The following ZNF519 variants were observed in gnomAD, a reference collection of about 807,000 sequenced individuals.
ZNF519 encodes similar to Zinc finger protein 85 (Zinc finger protein HPF4) (HTF1).
In ZNF519, 7 loss-of-function variants were observed where a neutral mutation model predicts 7.4. The observed-to-expected ratio is 0.94, with a 90% CI of 0.54 to 1.77. The LOEUF (loss-of-function observed/expected upper bound fraction) is 1.77, where lower values mean the gene tolerates loss of function less well. Ranked by LOEUF, ZNF519 falls within the 40% of genes most tolerant of loss-of-function variation. The probability of loss-of-function intolerance (pLI) is 0.00; values close to 1 mark genes in which losing one functional copy is unlikely to be tolerated. For missense variants in ZNF519, 586 were observed against 623.1 expected (o/e 0.94, Z 0.63); for synonymous variants, 179 against 203.3 (o/e 0.88, Z 1.02).
At position 14,102,880 on chromosome 18, in the gene ZNF519, G is replaced by A. The variant is rs2046168912; in HGVS notation, c.*2037C>T. 6.6e-6 allele frequency: 1 copy of A among 151,874 alleles called. No homozygotes were observed. The highest frequency in any genetic ancestry group is 2.1e-4 in the South Asian group (1 of 4,824). 9.4% of individuals were successfully genotyped at this position (151,874 alleles called of 1,614,324 possible). A position where few individuals can be genotyped will look rare whatever the true frequency, so the allele number is the denominator to read the frequency against. ...TTAATATAAATATAAAGCAGATTCTGATAAGGTATATAAGGGCTAGAGAAA... is the reference window on the plus strand; with the variant it reads ...TTAATATAAATATAAAGCAGATTCTAATAAGGTATATAAGGGCTAGAGAAA... On this transcript the variant is annotated 3_prime_UTR_variant, in exon 3 of 3. Coordinates refer to ENST00000590202, the MANE Select transcript of ZNF519 (RefSeq NM_145287.4).
At chr18:14,087,014 A>G (rs1340721059) in intron 2 of ZNF519, among the ~76,000 whole-genome samples, 1 of 152,178 alleles carries the variant, frequency 6.6e-6, no homozygotes, top group Non-Finnish European at 1.5e-5. Context: ...ACTAAATCCC[A>G]TTGCACATCG....
chr18:14,071,816 G>A (rs945614447), downstream of ZNF519: 7 of 152,126 alleles, frequency 4.6e-5, no homozygotes, highest in African/African-American at 1.4e-4. Context: ...TAACTTTATG[G>A]TGAAATCAAC....
chr18:14,110,878 T>C (rs554295963), intron 2 of ZNF519, among the ~76,000 whole-genome samples: 66 of 152,172 alleles, frequency 4.3e-4, no homozygotes, highest in African/African-American at 1.5e-3. Context: ...TAATAGACTT[T>C]GGGGACTTGA....
intron 2 of ZNF519, among the ~76,000 whole-genome samples, chr18:14,110,431 T>C (rs1174804917): frequency 6.6e-6 from 1 of 151,938 alleles, no homozygotes; most frequent in Non-Finnish European, 1.5e-5. Context: ...TAGCAGAAAA[T>C]ATTTGCAAAC....
chr18:14,128,748 GA>G (rs2046314946), intron 1 of ZNF519, among the ~76,000 whole-genome samples: 1 of 147,444 alleles, frequency 6.8e-6, no homozygotes, highest in Non-Finnish European at 1.5e-5. Context: ...CTATTTAACT[GA>G]TAAAAATGAT....
downstream of ZNF519, chr18:14,074,988 G>A (rs1345631998): frequency 6.6e-6 from 1 of 152,196 alleles, no homozygotes; most frequent in Non-Finnish European, 1.5e-5. Flanking sequence ...TGGTTGGGGA[G>A]GCCTCACAAT....
intron 3 of ZNF519, among the ~76,000 whole-genome samples, chr18:14,084,718 C>T (rs574495764): frequency 2.6e-4 from 40 of 152,274 alleles, no homozygotes; most frequent in African/African-American, 8.7e-4. Context: ...TGCTCCTCCT[C>T]ATTGCACAGT....
intron 2 of ZNF519, among the ~76,000 whole-genome samples, chr18:14,118,069 T>C (rs2046253826): frequency 6.6e-6 from 1 of 151,816 alleles, no homozygotes; most frequent in African/African-American, 2.4e-5. Context: ...TGAAATATTC[T>C]TTTTTTTGAG....
intron 2 of ZNF519, among the ~76,000 whole-genome samples, chr18:14,118,964 T>C (rs1435240586): frequency 6.6e-6 from 1 of 152,182 alleles, no homozygotes; most frequent in Non-Finnish European, 1.5e-5. Context: ...ACACCTGGTA[T>C]ATGGCTCATC....
intron 2 of ZNF519, among the ~76,000 whole-genome samples, chr18:14,107,946 A>C (rs1173175404): frequency 1.3e-5 from 2 of 152,162 alleles, no homozygotes; most frequent in Non-Finnish European, 2.9e-5. Flanking sequence ...AAGGTTATTG[A>C]CTAGCCCCTG....
At chr18:14,129,944 G>A (rs964204944) in intron 1 of ZNF519, among the ~76,000 whole-genome samples, 1 of 152,168 alleles carries the variant, frequency 6.6e-6, no homozygotes. Context: ...TGGAAGAGAT[G>A]CATAGGGCAA....
Position 14,089,179 on chromosome 18 carries a change from C to T in ZNF519, c.131-4103G>A, listed in dbSNP as rs980788335. On this transcript the variant is annotated intron_variant and NMD_transcript_variant, in intron 2 of 4. Coordinates refer to the ZNF519 transcript ENST00000587419. ...CTAGGTAATATATGTAGCTTAAGAACTATATAGCAAGTAAATGAAAGTCAT... is the reference window on the plus strand; with the variant it reads ...CTAGGTAATATATGTAGCTTAAGAATTATATAGCAAGTAAATGAAAGTCAT... Among the ~76,000 whole-genome samples the T allele has an allele frequency of 3.3e-5, 5 of 152,188 alleles. No individual in the cohort carries two copies. The East Asian group carries it at 9.7e-4, about 29-fold the overall frequency.
chr18:14,072,084 T>G (rs1340128931), downstream of ZNF519: 1 of 152,208 alleles, frequency 6.6e-6, no homozygotes, highest in Non-Finnish European at 1.5e-5. Context: ...GCAGAATGTT[T>G]CTTGCATTTT....
At chr18:14,078,937 T>G (rs1319705143) in intron 3 of ZNF519, among the ~76,000 whole-genome samples, 1 of 152,122 alleles carries the variant, frequency 6.6e-6, no homozygotes, top group Non-Finnish European at 1.5e-5. Flanking sequence ...CTGGCTAACT[T>G]CAAGATGTAC....
chr18:14,086,929 T>TAAAAACAAC (rs5823283), intron 2 of ZNF519, among the ~76,000 whole-genome samples: 4 of 151,754 alleles, frequency 2.6e-5, no homozygotes, highest in African/African-American at 9.7e-5. Context: ...GACAAGGACA[T>TAAAAACAAC]AACAACAACA....
intron 3 of ZNF519, among the ~76,000 whole-genome samples, chr18:14,083,525 A>T (rs765995449): frequency 1.1e-4 from 17 of 152,134 alleles, no homozygotes; most frequent in Non-Finnish European, 2.2e-4. Flanking sequence ...GCAATTATGA[A>T]ATGAAACCAC....
chr18:14,111,071 C>T (rs1477920015), intron 2 of ZNF519, among the ~76,000 whole-genome samples: 1 of 136,760 alleles, frequency 7.3e-6, no homozygotes, highest in Admixed American at 7.6e-5. Context: ...CAAACAAAGC[C>T]AAAATTAGAA....
intron 2 of ZNF519, among the ~76,000 whole-genome samples, chr18:14,111,167 T>TC (rs2046218607): frequency 7.8e-6 from 1 of 127,876 alleles, no homozygotes; most frequent in African/African-American, 2.7e-5. Context: ...AAAGTTGTTT[T>TC]CTAAAAAAAA....
intron 2 of ZNF519, among the ~76,000 whole-genome samples, chr18:14,089,484 G>A (rs1016815984): frequency 2.6e-5 from 4 of 152,044 alleles, no homozygotes; most frequent in Non-Finnish European, 5.9e-5. Flanking sequence ...GGGCTAAATG[G>A]GCATTTCTTG....
Sources: gnomAD v4.1 joint callset for allele counts (sites outside exome capture counted in the v4.1 genomes callset) on GRCh38, gnomAD v4.1.1 for gene constraint, MANE v1.5 for transcripts, NCBI Gene and HGNC (gene_info 2026-07-23, HGNC 2026-07-21) for gene names.